DOK5: variants seen among roughly 807,000 people sequenced by gnomAD.
The protein encoded by DOK5 is docking protein 5.
A neutral mutation model predicts 43.3 loss-of-function variants in DOK5; 27 were observed. The observed-to-expected ratio is 0.62, with a 90% confidence interval of 0.46 to 0.86. The LOEUF (loss-of-function observed/expected upper bound fraction) is 0.86. DOK5 is among the 40% of genes least tolerant of loss of function. The probability of loss-of-function intolerance (pLI) is 0.00; values close to 1 mark genes in which losing one functional copy is unlikely to be tolerated. For missense variants in DOK5, 373 were observed against 392.9 expected (o/e 0.95, Z 0.43); for synonymous variants, 146 against 140.1 (o/e 1.04, Z -0.30).
At chr20:54,579,183 T>C (rs1482592516) in intron 2 of DOK5, among the ~76,000 whole-genome samples, 1 of 152,224 alleles carries the variant, frequency 6.6e-6, no homozygotes, top group Non-Finnish European at 1.5e-5. Context: ...AGGTTGGTTT[T>C]TGTTTAAATA....
At chr20:54,483,733 G>A (rs1017621533) in intron 1 of DOK5, among the ~76,000 whole-genome samples, 3 of 152,176 alleles carry the variant, frequency 2.0e-5, no homozygotes. Flanking sequence ...AAAATTGTGA[G>A]TTTAGAAATG....
chr20:54,629,834 T>A (rs984053328), intron 6 of DOK5, among the ~76,000 whole-genome samples: 1 of 152,210 alleles, frequency 6.6e-6, no homozygotes, highest in Non-Finnish European at 1.5e-5. Flanking sequence ...GCCAGGTGCT[T>A]CAGGCCCAGG....
chr20:54,542,342 A>C (rs1397693676), intron 1 of DOK5, among the ~76,000 whole-genome samples: 1 of 152,236 alleles, frequency 6.6e-6, no homozygotes, highest in Non-Finnish European at 1.5e-5. Flanking sequence ...CCAGTATTTT[A>C]GATTTTCTGG....
chr20:54,524,236 G>T (rs1008687352), intron 1 of DOK5, among the ~76,000 whole-genome samples: 2 of 152,166 alleles, frequency 1.3e-5, no homozygotes, highest in Non-Finnish European at 2.9e-5. Flanking sequence ...GCGAAAGAAG[G>T]ATGAAGTGAG....
chr20:54,492,884 T>G (rs1449855527), intron 1 of DOK5, among the ~76,000 whole-genome samples: 1 of 151,700 alleles, frequency 6.6e-6, no homozygotes, highest in African/African-American at 2.4e-5. Flanking sequence ...TGAAACCCTG[T>G]CTCTACTAAA....
chr20:54,547,609 T>C (rs947939346), intron 1 of DOK5, among the ~76,000 whole-genome samples: 1 of 152,102 alleles, frequency 6.6e-6, no homozygotes, highest in Admixed American at 6.6e-5. Context: ...TAAGCAATTA[T>C]TAAGGGTATC....
chr20:54,568,552 T>A (rs1042469624), intron 2 of DOK5, among the ~76,000 whole-genome samples: 5 of 152,196 alleles, frequency 3.3e-5, no homozygotes, highest in African/African-American at 1.2e-4. Context: ...TACTAATCGG[T>A]TTACATTTTT....
At chr20:54,505,945 G>A (rs919991652) in intron 1 of DOK5, among the ~76,000 whole-genome samples, 4 of 152,174 alleles carry the variant, frequency 2.6e-5, no homozygotes, top group Admixed American at 2.6e-4. Context: ...CAGACAGGAT[G>A]TTGCATTTTG....
chr20:54,615,344 C>T (rs1986772901), intron 6 of DOK5, among the ~76,000 whole-genome samples: 1 of 152,172 alleles, frequency 6.6e-6, no homozygotes, highest in African/African-American at 2.4e-5. Context: ...TGTTACCTTA[C>T]AAGGCAAAAG....
At chr20:54,510,254 C>T (rs1982969868) in intron 1 of DOK5, among the ~76,000 whole-genome samples, 2 of 152,142 alleles carry the variant, frequency 1.3e-5, no homozygotes, top group South Asian at 4.1e-4. Context: ...AGCAAACTCA[C>T]CCTAGAAGGG....
At chr20:54,496,570 A>C (rs1982400853) in intron 1 of DOK5, among the ~76,000 whole-genome samples, 1 of 152,122 alleles carries the variant, frequency 6.6e-6, no homozygotes, top group South Asian at 2.1e-4. Flanking sequence ...GATCGAGACC[A>C]TCCTGGCCAA....
rs2099553991 is a variant in DOK5 at position 54,506,638 on chromosome 20, T to A, written c.66+30626T>A. ...CCACGCCTGGCTAATTTTTACAAAC[T>A]TCTTGTAGAGGCGGAGTCTCTCCGG... On this transcript the variant is annotated intron_variant, in intron 1 of 7. Transcript: ENST00000262593. 2.0e-5 allele frequency among the ~76,000 whole-genome samples: 3 copies of A among 152,180 alleles called. No individual in the cohort carries two copies. The South Asian group carries it at 6.2e-4, about 32-fold the overall frequency.
rs1248675615 is a variant in DOK5, at chr20:54,650,780, C to T, written c.*301C>T. The T allele has an allele frequency of 4.1e-6, 1 of 246,022 alleles. No individual in the cohort carries two copies. Among genetic ancestry groups the T allele is most frequent in the Non-Finnish European group, 7.8e-6 (1 of 129,008 alleles). The allele number at this position is 246,022 out of a possible 1,614,324, so 15.2% of individuals were successfully genotyped here. A position where few individuals can be genotyped will look rare whatever the true frequency, so the allele number is the denominator to read the frequency against. On this transcript the variant is annotated 3_prime_UTR_variant, in exon 8 of 8. Coordinates refer to ENST00000262593, the MANE Select transcript of DOK5 (RefSeq NM_018431.5). ...ATTTTCTATTGTAGATACTTTGTCC[C>T]TTGCACTTCTCTGAATCTGTCCTTT...
chr20:54,492,141 G>A (rs1982204312), intron 1 of DOK5, among the ~76,000 whole-genome samples: 1 of 151,818 alleles, frequency 6.6e-6, no homozygotes, highest in South Asian at 2.1e-4. Context: ...GGTAGAGAAA[G>A]AAAACAATGC....
At chr20:54,580,763 A>G (rs180959740) in intron 2 of DOK5, among the ~76,000 whole-genome samples, 175 of 152,114 alleles carry the variant, frequency 1.2e-3, no homozygotes, top group Non-Finnish European at 2.0e-3. Context: ...AATTTCTTAT[A>G]TATTTTGGCT....
intron 2 of DOK5, among the ~76,000 whole-genome samples, chr20:54,566,916 T>A (rs1289497874): frequency 6.6e-6 from 1 of 152,218 alleles, no homozygotes; most frequent in African/African-American, 2.4e-5. Context: ...AATAGTGACA[T>A]TTCACTGTGG....
intron 1 of DOK5, among the ~76,000 whole-genome samples, chr20:54,477,647 TAA>T (rs201764530): frequency 0.012 from 1,628 of 140,018 alleles, 38 homozygotes; most frequent in African/African-American, 0.04. Context: ...GGAGTTAAGT[TAA>T]AAAAAAAAAA....
intron 6 of DOK5, among the ~76,000 whole-genome samples, chr20:54,610,921 C>T (rs1568809476): frequency 2.0e-5 from 3 of 152,130 alleles, no homozygotes; most frequent in African/African-American, 7.2e-5. Context: ...AGTGAAATGT[C>T]AAAAGCCCAA....
chr20:54,633,197 C>A (rs991741350), intron 6 of DOK5, among the ~76,000 whole-genome samples: 1 of 152,162 alleles, frequency 6.6e-6, no homozygotes, highest in East Asian at 1.9e-4. Flanking sequence ...TTCTGCTTGC[C>A]GTTGGATAGC....
Sources: gnomAD v4.1 joint callset for allele counts (sites outside exome capture counted in the v4.1 genomes callset) on GRCh38, gnomAD v4.1.1 for gene constraint, MANE v1.5 for transcripts, NCBI Gene and HGNC (gene_info 2026-07-23, HGNC 2026-07-21) for gene names.